The following CABP1 variants were observed in gnomAD, a reference collection of about 807,000 sequenced individuals.
CABP1 encodes calcium binding protein 1, also known as calcium-binding protein 1.
Under a neutral mutation model 34.3 loss-of-function variants are expected in CABP1, and 17 were observed. The ratio of observed to expected loss-of-function variants is 0.50; its 90% CI spans 0.34 to 0.74. The LOEUF (loss-of-function observed/expected upper bound fraction) is 0.74, where lower values mean the gene tolerates loss of function less well. CABP1 is among the 30% of genes least tolerant of loss of function. The pLI, the probability that CABP1 is intolerant of heterozygous loss-of-function variation, is 0.01. For synonymous variants in CABP1, 198 were observed against 229.2 expected (o/e 0.86, Z 1.23); for missense variants, 373 against 511.1 (o/e 0.73, Z 2.61).
At chr12:120,659,024 G>A (rs1880443820) in intron 1 of CABP1, 2 of 152,222 alleles carry the variant, frequency 1.3e-5, no homozygotes, top group African/African-American at 2.4e-5. Context: ...GCTCCTTGGA[G>A]ATGTCTCTGC....
Position 120,660,714 on chromosome 12 carries a change from C to CT in CABP1, c.830-14dup, listed in dbSNP as rs753066924. 1.9e-6 allele frequency: 3 copies of CT among 1,574,488 alleles called. No individual in the cohort carries two copies. Among genetic ancestry groups the CT allele is most frequent in the Non-Finnish European group, 2.6e-6 (3 of 1,143,992 alleles). On this transcript the variant is annotated splice_polypyrimidine_tract_variant and intron_variant, in intron 3 of 5. Coordinates refer to ENST00000316803, the MANE Select transcript of CABP1 (RefSeq NM_001033677.2). This position sits in a 1 kb window ranked among gnomAD's most constrained non-coding sequence, Gnocchi z 5.0. ...TGGGTATGTCGGGGATGACCTAGCCCTTTCCTCCTTTTCCAGTGGGTGGCC... is the reference window on the plus strand; with the variant it reads ...TGGGTATGTCGGGGATGACCTAGCCCTTTTCCTCCTTTTCCAGTGGGTGGCC...
chr12:120,677,039 T>C, the CABP1 span, among the ~76,000 whole-genome samples: 2 of 151,556 alleles, frequency 1.3e-5, no homozygotes, highest in African/African-American at 2.4e-5. Context: ...CTGGGCAACA[T>C]AGTGAGACTC....
In CABP1 at chr12:120,640,799, C is replaced by A; in HGVS notation, c.114C>A (p.Pro38=). 2 of 1,103,818 alleles carry A rather than the reference C, an allele frequency of 1.8e-6. No homozygotes were observed. Among genetic ancestry groups the A allele is most frequent in the East Asian group, 5.4e-5 (1 of 18,450 alleles). 68.4% of individuals were successfully genotyped at this position (1,103,818 alleles called of 1,614,324 possible). The part of the protein sequence containing the change: ...REPRSLPAGG[P]APRRTAPPPP... The stretch of plus-strand genomic sequence containing the variant: ...CCCGTTCTCTGCCCGCCGGGGGCCC[C>A]GCGCCGCGCCGCACCGCGCCGCCCC... Residue 38 remains proline (P), a synonymous_variant, in exon 1 of 6, where the codon CCC becomes CCA. Coordinates refer to ENST00000316803, the MANE Select transcript of CABP1 (RefSeq NM_001033677.2). The surrounding 1 kb of genome is among the most constrained non-coding windows in gnomAD (Gnocchi z 6.2).
At chr12:120,678,582 G>T in the CABP1 span, among the ~76,000 whole-genome samples, 1 of 152,160 alleles carries the variant, frequency 6.6e-6, no homozygotes, top group Non-Finnish European at 1.5e-5. Context: ...GCCCCACATG[G>T]TAGGTCTTCT....
chr12:120,652,399 T>C (rs7978418), intron 1 of CABP1, among the ~76,000 whole-genome samples: 2 of 152,110 alleles, frequency 1.3e-5, no homozygotes, highest in African/African-American at 4.8e-5. Context: ...ACATACCTAA[T>C]GTCTGTTATC....
In CABP1 at chr12:120,660,976, G is replaced by A. The variant is rs971995598; in HGVS notation, c.940-95G>A. ...GACAGAGAAAGGTCTCTGGTAAAGG[G>A]GGGCAATGACACTGGAGAAGGAGCT... On this transcript the variant is annotated intron_variant, in intron 4 of 5. Coordinates refer to ENST00000316803, the MANE Select transcript of CABP1 (RefSeq NM_001033677.2). This position sits in a 1 kb window ranked among gnomAD's most constrained non-coding sequence, Gnocchi z 5.0. 26 of 1,464,166 alleles carry A rather than the reference G, an allele frequency of 1.8e-5. No homozygotes were observed. In the South Asian group the frequency reaches 2.2e-4, roughly 12 times the overall value. The allele number at this position is 1,464,166 out of a possible 1,614,324, so 90.7% of individuals were successfully genotyped here.
intron 1 of CABP1, chr12:120,659,531 C>A: frequency 4.4e-6 from 1 of 228,134 alleles, no homozygotes; most frequent in Non-Finnish European, 8.5e-6. Flanking sequence ...CTCTGTTGTC[C>A]AGGGTGACAG....
intron 5 of CABP1, 78 bp from the exon 6 acceptor site, chr12:120,666,797 A>G (rs2137379201): frequency 6.7e-7 from 1 of 1,492,674 alleles, no homozygotes; most frequent in Middle Eastern, 1.7e-4. Flanking sequence ...CAGTGGCAAC[A>G]GGGTGGGGTC....
chr12:120,655,852 C>A (rs55819450), intron 1 of CABP1: 13 of 1,458,892 alleles, frequency 8.9e-6, no homozygotes, highest in Admixed American at 4.1e-5. Context: ...TGTGTGTGTG[C>A]GCATGTGCCA....
chr12:120,655,801 G>A (rs1281755927), intron 1 of CABP1: 1 of 1,511,558 alleles, frequency 6.6e-7, no homozygotes, highest in South Asian at 1.2e-5. Flanking sequence ...GTGTGATTCT[G>A]TGCATATGTA....
intron 1 of CABP1, chr12:120,650,754 G>A: frequency 1.3e-6 from 2 of 1,497,930 alleles, no homozygotes; most frequent in Non-Finnish European, 1.9e-6. Context: ...CAGAGGTTGG[G>A]CACAGAAAGG....
rs1880661174 is a variant in CABP1 at position 120,661,759 on chromosome 12, A to G, written c.1087+541A>G. The G allele has an allele frequency of 6.5e-6, 1 of 154,476 alleles. No homozygotes were observed. The highest frequency in any genetic ancestry group is 6.3e-5 in the Admixed American group (1 of 15,940). 9.6% of individuals were successfully genotyped at this position (154,476 alleles called of 1,614,324 possible). A position where few individuals can be genotyped will look rare whatever the true frequency, so the allele number is the denominator to read the frequency against. On this transcript the variant is annotated intron_variant, in intron 5 of 5. Transcript: ENST00000316803. The surrounding 1 kb of genome is among the most constrained non-coding windows in gnomAD (Gnocchi z 5.1). ...TATTCATCTATCTGTCCATCTTTCC[A>G]TATCTATCTCTCCATTTTTCATCTG...
At chr12:120,669,959 C>T (rs1164776427), downstream of CABP1, among the ~76,000 whole-genome samples, 2 of 151,786 alleles carry the variant, frequency 1.3e-5, no homozygotes, top group African/African-American at 4.8e-5. Context: ...TTTTTATTTG[C>T]TTTTGTTTTT....
chr12:120,677,180 C>G, the CABP1 span, among the ~76,000 whole-genome samples: 6 of 150,204 alleles, frequency 4.0e-5, 1 homozygote, highest in African/African-American at 1.5e-4. Flanking sequence ...CTCCGCCTCC[C>G]GGGCTCAAGC....
intron 1 of CABP1, chr12:120,650,617 G>A (rs777519507): frequency 6.2e-7 from 1 of 1,613,936 alleles, no homozygotes; most frequent in Non-Finnish European, 8.5e-7. Flanking sequence ...GGGATCCCAA[G>A]AGGGGCTGCC....
rs778454566 is a variant in CABP1 at position 120,660,695 on chromosome 12, T to A, written c.830-36T>A. On this transcript the variant is annotated intron_variant, in intron 3 of 5. Transcript: ENST00000316803. The surrounding 1 kb of genome is among the most constrained non-coding windows in gnomAD (Gnocchi z 5.0). Reference sequence around the variant, plus strand: ...TCTAGTTGGAGACAGGGAATGGGTATGTCGGGGATGACCTAGCCCTTTCCT... The same window carrying A: ...TCTAGTTGGAGACAGGGAATGGGTAAGTCGGGGATGACCTAGCCCTTTCCT... 1 of 1,392,158 alleles carries A rather than the reference T, an allele frequency of 7.2e-7. No individual in the cohort carries two copies. The highest frequency in any genetic ancestry group is 1.0e-6 in the Non-Finnish European group (1 of 977,756). The allele number at this position is 1,392,158 out of a possible 1,614,324, so 86.2% of individuals were successfully genotyped here.
In CABP1 at chr12:120,660,165, T is replaced by C; in HGVS notation, c.686-31T>C. ...ACAGAGGCTCTGCGGGTCCTACCCC[T>C]GACCACATCCACCTTTGCTCACTTC... On this transcript the variant is annotated intron_variant, in intron 2 of 5. Transcript: ENST00000316803. This position sits in a 1 kb window ranked among gnomAD's most constrained non-coding sequence, Gnocchi z 5.0. 1.2e-6 allele frequency: 2 copies of C among 1,613,222 alleles called. No homozygotes were observed. The highest frequency in any genetic ancestry group is 1.7e-6 in the Non-Finnish European group (2 of 1,179,452).
the CABP1 span, among the ~76,000 whole-genome samples, chr12:120,673,575 G>A: frequency 9.9e-5 from 15 of 151,960 alleles, no homozygotes; most frequent in Admixed American, 8.5e-4. Context: ...GTGACAGGGC[G>A]AGACTCCATC....
chr12:120,649,351 C>T (rs1879703295), intron 1 of CABP1, among the ~76,000 whole-genome samples: 2 of 152,208 alleles, frequency 1.3e-5, no homozygotes, highest in Non-Finnish European at 2.9e-5. Context: ...AGGAGTTCTG[C>T]TTCCAGTCTA....
Sources: allele counts gnomAD v4.1 joint callset (sites outside exome capture counted in the v4.1 genomes callset), GRCh38; gene constraint gnomAD v4.1.1; non-coding constraint Gnocchi (gnomAD v3.1); transcripts MANE v1.5; gene names NCBI Gene and HGNC (gene_info 2026-07-23, HGNC 2026-07-21).